The following IGLL5 variants were observed in gnomAD, a reference collection of about 807,000 sequenced individuals.
IGLL5 encodes immunoglobulin lambda-like polypeptide 5.
IGLL5 carries 30 observed loss-of-function variants against 20.9 expected under a neutral mutation model. The ratio of observed to expected loss-of-function variants is 1.44; its 90% confidence interval spans 1.07 to 1.95. The LOEUF (loss-of-function observed/expected upper bound fraction) is 1.95. IGLL5 is among the 30% of genes most tolerant of loss of function. IGLL5 has a pLI of 0.00. For synonymous variants in IGLL5, 203 were observed against 117.3 expected (o/e 1.73, Z -4.72); for missense variants, 475 against 270.7 (o/e 1.75, Z -5.30).
At chr22:22,894,452 C>G (rs2068033570) in intron 2 of IGLL5, among the ~76,000 whole-genome samples, 1 of 151,406 alleles carries the variant, frequency 6.6e-6, no homozygotes, top group Admixed American at 6.6e-5. Context: ...CCAACCCTCC[C>G]AGGACAGTCA....
chr22:22,888,518 T>A (rs184845616), intron 1 of IGLL5, among the ~76,000 whole-genome samples: 3 of 151,358 alleles, frequency 2.0e-5, no homozygotes, highest in East Asian at 2.0e-4. Flanking sequence ...CCAGGGTCAG[T>A]GCCTCAATCA....
At chr22:22,889,454 G>C (rs1415275982) in intron 1 of IGLL5, among the ~76,000 whole-genome samples, 1 of 151,194 alleles carries the variant, frequency 6.6e-6, no homozygotes, top group Non-Finnish European at 1.5e-5. Context: ...GGTTGGTTGG[G>C]GGAATAATCA....
intron 1 of IGLL5, 96 bp downstream of exon 1, chr22:22,888,355 GT>G: frequency 8.5e-7 from 1 of 1,171,514 alleles, no homozygotes; most frequent in Non-Finnish European, 1.2e-6. Flanking sequence ...GAGGAGGAAG[GT>G]TAACCCCTAA....
chr22:22,888,101 G>A lies in IGLL5; in HGVS notation c.48G>A (p.Leu16=), dbSNP rs530678884. Residue 16 remains leucine, a synonymous_variant, in exon 1 of 3, where the codon CTG becomes CTA. Coordinates refer to ENST00000526893, the MANE Select transcript of IGLL5 (RefSeq NM_001178126.2). ...GQVGCETPEE[L]GPGPRQRWPL... is the part of the protein sequence containing the mutation. The stretch of plus-strand genomic sequence containing the variant: ...TGGGTTGTGAGACCCCTGAGGAGCT[G>A]GGCCCTGGTCCCAGGCAGCGCTGGC... 3 of 1,549,442 alleles carry A rather than the reference G, an allele frequency of 1.9e-6. No individual in the cohort carries two copies. Among genetic ancestry groups the A allele is most frequent in the South Asian group, 2.4e-5 (2 of 83,996 alleles).
intron 2 of IGLL5, 41 bp from the exon 3 acceptor site, chr22:22,895,334 A>C (rs531593928): frequency 6.4e-7 from 1 of 1,562,816 alleles, no homozygotes; most frequent in African/African-American, 1.4e-5. Flanking sequence ...ACACCCCGGT[A>C]TTCTGTCTGC....
chr22:22,893,600 GACAGGC>G, intron 1 of IGLL5, 94 bp from the exon 2 acceptor site: 2 of 672,776 alleles, frequency 3.0e-6, no homozygotes, highest in Non-Finnish European at 5.1e-6. Context: ...TTGGACAGCA[GACAGGC>G]ACAGGGACAC....
intron 1 of IGLL5, among the ~76,000 whole-genome samples, chr22:22,889,485 T>A (rs58503484): frequency 6.6e-6 from 1 of 151,342 alleles, no homozygotes. Flanking sequence ...CAAATCTTTA[T>A]AACAAGGGTG....
At chr22:22,894,707 T>A (rs1369037091) in intron 2 of IGLL5, among the ~76,000 whole-genome samples, 1 of 150,460 alleles carries the variant, frequency 6.6e-6, no homozygotes, top group African/African-American at 2.4e-5. Flanking sequence ...TCATAGTCTG[T>A]GGGAGCAGCC....
chr22:22,894,217 C>T (rs2068000629), intron 2 of IGLL5, among the ~76,000 whole-genome samples: 3 of 151,222 alleles, frequency 2.0e-5, no homozygotes, highest in African/African-American at 4.8e-5. Flanking sequence ...GTCTCATAGT[C>T]TAGGGGAGCA....
intron 1 of IGLL5, among the ~76,000 whole-genome samples, chr22:22,888,768 A>C (rs570329949): frequency 1.3e-5 from 2 of 151,410 alleles, no homozygotes; most frequent in Admixed American, 6.6e-5. Context: ...TACTGGGGCC[A>C]GGCTCAAGGA....
Position 22,888,166 on chromosome 22 carries a change from T to G in IGLL5, c.113T>G (p.Leu38Arg), listed in dbSNP as rs777043119. 3.2e-6 allele frequency: 5 copies of G among 1,549,150 alleles called. No individual in the cohort carries two copies. The highest frequency in any genetic ancestry group is 4.9e-5 in the East Asian group (2 of 40,626). ...LLGLAMVAHG[L>R]LRPMVAPQSG... ...GGTCTGGCCATGGTCGCCCATGGCC[T>G]GCTGCGCCCAATGGTTGCACCGCAA... The change falls in exon 1 of 3, where the codon CTG (leucine) becomes CGG (arginine). Residue 38 changes from leucine to arginine, a missense_variant. Physicochemically the swap from Leu to Arg is moderately radical, Grantham distance 102. Transcript: ENST00000526893.
chr22:22,889,744 C>A (rs576940341), intron 1 of IGLL5, among the ~76,000 whole-genome samples: 4 of 151,182 alleles, frequency 2.6e-5, no homozygotes, highest in African/African-American at 7.3e-5. Flanking sequence ...CAGGCCACTA[C>A]ACCTGGCTAA....
In IGLL5 at chr22:22,888,113, C is replaced by T. The variant is rs762094138; in HGVS notation, c.60C>T (p.Pro20=). 1 of 1,549,580 alleles carries T rather than the reference C, an allele frequency of 6.5e-7. No individual in the cohort carries two copies. The highest frequency in any genetic ancestry group is 8.7e-7 in the Non-Finnish European group (1 of 1,146,730). Residue 20 remains proline (P), a synonymous_variant, in exon 1 of 3, where the codon CCC becomes CCT. Transcript: ENST00000526893. ...CETPEELGPG[P]RQRWPLLLLG... Reference sequence around the variant, plus strand: ...CCCCTGAGGAGCTGGGCCCTGGTCCCAGGCAGCGCTGGCCCCTGCTGCTGC... The same window carrying T: ...CCCCTGAGGAGCTGGGCCCTGGTCCTAGGCAGCGCTGGCCCCTGCTGCTGC...
chr22:22,889,457 A>C (rs575350981), intron 1 of IGLL5, among the ~76,000 whole-genome samples: 1 of 151,294 alleles, frequency 6.6e-6, no homozygotes, highest in Admixed American at 6.6e-5. Flanking sequence ...TGGTTGGGGG[A>C]ATAATCAAAG....
rs117080388 is a variant in IGLL5, at chr22:22,895,406, G to A, written c.357G>A (p.Leu119=). Residue 119 remains leucine, a synonymous_variant, in exon 3 of 3, where the codon CTG becomes CTA. Coordinates refer to ENST00000526893, the MANE Select transcript of IGLL5 (RefSeq NM_001178126.2). ...CCAAGGCCAACCCCACTGTCACTCT[G>A]TTCCCGCCCTCCTCTGAGGAGCTCC... ...GQPKANPTVT[L]FPPSSEELQA... 6.2e-7 allele frequency: 1 copy of A among 1,612,910 alleles called. No individual in the cohort carries two copies.
intron 1 of IGLL5, among the ~76,000 whole-genome samples, chr22:22,888,465 T>C (rs183556034): frequency 7.3e-5 from 11 of 151,364 alleles, no homozygotes; most frequent in South Asian, 2.1e-4. Flanking sequence ...TACGATATTA[T>C]TTTTCTTGAT....
At chr22:22,890,238 T>C (rs2067786093) in intron 1 of IGLL5, among the ~76,000 whole-genome samples, 1 of 149,784 alleles carries the variant, frequency 6.7e-6, no homozygotes, top group Admixed American at 6.7e-5. Context: ...CTCTCACCTC[T>C]TCCCAGAGAT....
Position 22,895,757 on chromosome 22 carries a change from T to C in IGLL5, c.*63T>C, listed in dbSNP as rs2066754770. On this transcript the variant is annotated 3_prime_UTR_variant, in exon 3 of 3. Transcript: ENST00000526893. ...TGCAGGATCCCAGGGGAGGGGTCTC[T>C]CTCCCCATCCCAAGTCATCCAGCCC... is the stretch of plus-strand genomic sequence containing the variant. The C allele has an allele frequency of 1.4e-6, 2 of 1,473,512 alleles. No homozygotes were observed. The highest frequency in any genetic ancestry group is 4.6e-5 in the East Asian group (2 of 43,954). 91.3% of individuals were successfully genotyped at this position (1,473,512 alleles called of 1,614,324 possible). A position where few individuals can be genotyped will look rare whatever the true frequency, so the allele number is the denominator to read the frequency against.
At chr22:22,895,035 G>A (rs1379880060) in intron 2 of IGLL5, among the ~76,000 whole-genome samples, 1 of 151,334 alleles carries the variant, frequency 6.6e-6, no homozygotes, top group Non-Finnish European at 1.5e-5. Flanking sequence ...TGGAAATGAG[G>A]GATCCAGGGG....
Sources: allele counts gnomAD v4.1 joint callset (sites outside exome capture counted in the v4.1 genomes callset), GRCh38; gene constraint gnomAD v4.1.1; transcripts MANE v1.5; gene names NCBI Gene and HGNC (gene_info 2026-07-23, HGNC 2026-07-21).